The following FER1L6 variants were observed in gnomAD, a reference collection of about 807,000 sequenced individuals.
FER1L6 encodes the protein fer-1-like protein 6.
Under a neutral mutation model 219.2 loss-of-function variants are expected in FER1L6, and 177 were observed. The observed-to-expected ratio is 0.81, with a 90% CI of 0.71 to 0.91. The LOEUF is 0.91. FER1L6 is among the 40% of genes least tolerant of loss of function. The probability of loss-of-function intolerance (pLI) is 0.00; values close to 1 mark genes in which losing one functional copy is unlikely to be tolerated. For missense variants in FER1L6, 2,153 were observed against 2,259.9 expected (o/e 0.95, Z 0.96); for synonymous variants, 768 against 824.3 (o/e 0.93, Z 1.17).
At chr8:124,022,146 G>A (rs1388211494) in intron 17 of FER1L6, among the ~76,000 whole-genome samples, 1 of 152,202 alleles carries the variant, frequency 6.6e-6, no homozygotes, top group African/African-American at 2.4e-5. Flanking sequence ...CTAAAACAGG[G>A]TTTGATGTGG....
At chr8:124,074,629 G>A (rs1276338434) in intron 31 of FER1L6, among the ~76,000 whole-genome samples, 2 of 150,280 alleles carry the variant, frequency 1.3e-5, no homozygotes, top group Non-Finnish European at 3.0e-5. Flanking sequence ...TTTAGCCTAG[G>A]TGACAGAGCA....
chr8:124,109,953 A>T (rs1822950291), intron 39 of FER1L6, among the ~76,000 whole-genome samples: 1 of 152,134 alleles, frequency 6.6e-6, no homozygotes, highest in Non-Finnish European at 1.5e-5. Flanking sequence ...CGTGACAATA[A>T]AGCTACAACC....
chr8:123,886,310 G>C (rs552745692), intron 1 of FER1L6, among the ~76,000 whole-genome samples: 1 of 152,140 alleles, frequency 6.6e-6, no homozygotes, highest in South Asian at 2.1e-4. Context: ...TGGGTTATGG[G>C]AGTAGATCCC....
At chr8:123,913,374 C>A (rs148196935) in intron 1 of FER1L6, among the ~76,000 whole-genome samples, 8 of 152,144 alleles carry the variant, frequency 5.3e-5, no homozygotes, top group African/African-American at 1.7e-4. Context: ...AAAATCTATT[C>A]TTTTTATTTT....
chr8:124,068,174 A>C (rs999892650), intron 28 of FER1L6, among the ~76,000 whole-genome samples: 1 of 152,198 alleles, frequency 6.6e-6, no homozygotes, highest in African/African-American at 2.4e-5. Flanking sequence ...ACAGGATTGG[A>C]TAGATCTTGT....
chr8:123,996,625 C>G (rs776765342), intron 12 of FER1L6, among the ~76,000 whole-genome samples: 1 of 152,070 alleles, frequency 6.6e-6, no homozygotes, highest in Non-Finnish European at 1.5e-5. Flanking sequence ...CACTTACATT[C>G]AATTTTATTA....
intron 1 of FER1L6, among the ~76,000 whole-genome samples, chr8:123,876,579 G>A (rs1448799200): frequency 6.6e-6 from 1 of 151,972 alleles, no homozygotes; most frequent in Non-Finnish European, 1.5e-5. Context: ...TCTCCCTTTG[G>A]CCTCCCAAAG....
rs765558673 is a variant in FER1L6, at chr8:124,091,492, C to T, written c.4461C>T (p.Asn1487=). The part of the protein sequence containing the change: ...TEILTKLCKD[N]KLDGPYFHPG... Reference sequence around the variant, plus strand: ...TCCTCACTAAGCTCTGCAAAGACAACAAGCTGGATGGACCCTACTTTCACC... The same window carrying T: ...TCCTCACTAAGCTCTGCAAAGACAATAAGCTGGATGGACCCTACTTTCACC... The change falls in exon 34 of 41, where the codon AAC becomes AAT. Residue 1487 remains asparagine (N), a synonymous_variant. Coordinates refer to ENST00000522917, the MANE Select transcript of FER1L6 (RefSeq NM_001039112.2). The T allele has an allele frequency of 1.5e-5, 25 of 1,613,778 alleles. No individual in the cohort carries two copies. Among genetic ancestry groups the T allele is most frequent in the South Asian group, 8.8e-5 (8 of 91,088 alleles).
Position 123,859,931 on chromosome 8 carries a change from TTTTATTTA to T in FER1L6, c.-8+7762_-8+7769del, listed in dbSNP as rs898567377. On this transcript the variant is annotated intron_variant, in intron 1 of 40. Transcript: ENST00000522917. ...TATTCCATGGTGTATATGTGCCACA[TTTTATTTA>T]TTTATTTATTTATTTTTATTATTAT... 2.7e-5 allele frequency among the ~76,000 whole-genome samples: 4 copies of T among 147,042 alleles called. 1 individual carries two copies. Among genetic ancestry groups the T allele is most frequent in the African/African-American group, 7.7e-5 (3 of 38,938 alleles).
chr8:123,856,316 G>GTGTGTGTGTA (rs71576706), intron 1 of FER1L6, among the ~76,000 whole-genome samples: 1 of 45,112 alleles, frequency 2.2e-5, no homozygotes, highest in East Asian at 4.3e-4. Flanking sequence ...ATATGTATGT[G>GTGTGTGTGTA]TATATATATA....
intron 1 of FER1L6, among the ~76,000 whole-genome samples, chr8:123,855,750 G>A (rs1248083842): frequency 1.4e-5 from 2 of 147,088 alleles, no homozygotes; most frequent in Non-Finnish European, 3.0e-5. Context: ...GTGTGTATGT[G>A]TGTATATATA....
At chr8:123,969,876 A>T (rs1437205498) in intron 5 of FER1L6, among the ~76,000 whole-genome samples, 159 bp from the exon 6 acceptor site, 1 of 151,266 alleles carries the variant, frequency 6.6e-6, no homozygotes, top group Non-Finnish European at 1.5e-5. Flanking sequence ...CCAAAAAAAA[A>T]AAAAAAAAAA....
chr8:123,902,616 G>C (rs1182214710), intron 1 of FER1L6, among the ~76,000 whole-genome samples: 2 of 152,082 alleles, frequency 1.3e-5, no homozygotes, highest in Admixed American at 1.3e-4. Context: ...GTCTGATATA[G>C]GAATAGCTAC....
At chr8:124,053,118 T>C (rs1002787298) in intron 22 of FER1L6, among the ~76,000 whole-genome samples, 4 of 152,182 alleles carry the variant, frequency 2.6e-5, no homozygotes, top group Admixed American at 2.6e-4. Flanking sequence ...CACTACACAA[T>C]GCTGTCCTAA....
chr8:124,070,450 C>T lies in FER1L6; in HGVS notation c.3835-17C>T, dbSNP rs1329485363. ...CTTTCCTTCCTCTTAGCACAATCTT[C>T]TCCCTTTTCCCTAAAGATATATGAC... On this transcript the variant is annotated splice_polypyrimidine_tract_variant and intron_variant, in intron 29 of 40. Coordinates refer to ENST00000522917, the MANE Select transcript of FER1L6 (RefSeq NM_001039112.2). The T allele has an allele frequency of 6.2e-7, 1 of 1,612,024 alleles. No homozygotes were observed. Among genetic ancestry groups the T allele is most frequent in the East Asian group, 2.2e-5 (1 of 44,780 alleles).
At chr8:123,990,082 CA>C (rs1563728529) in intron 12 of FER1L6, among the ~76,000 whole-genome samples, 1 of 152,116 alleles carries the variant, frequency 6.6e-6, no homozygotes, top group East Asian at 1.9e-4. Flanking sequence ...TCCTGGCTAA[CA>C]TGGTGAAACC....
chr8:124,085,308 ATT>A lies in FER1L6; in HGVS notation c.4391+2851_4391+2852del, dbSNP rs113854981. Among the ~76,000 whole-genome samples, 809 of 152,058 alleles carry A rather than the reference ATT, an allele frequency of 5.3e-3. 14 individuals are homozygous for A. The highest frequency in any genetic ancestry group is 0.019 in the African/African-American group (771 of 41,524). On this transcript the variant is annotated intron_variant, in intron 33 of 40. Coordinates refer to ENST00000522917, the MANE Select transcript of FER1L6 (RefSeq NM_001039112.2). ...TTGATTTTCTAATTCATTAAGATATATTGTTACATTATTTATTTGAAGTTTTT... is the reference window on the plus strand; with the variant it reads ...TTGATTTTCTAATTCATTAAGATATAGTTACATTATTTATTTGAAGTTTTT...
At chr8:123,967,199 TC>T (rs1352010587) in intron 5 of FER1L6, among the ~76,000 whole-genome samples, 8 of 152,150 alleles carry the variant, frequency 5.3e-5, no homozygotes, top group African/African-American at 1.9e-4. Flanking sequence ...CCTAGTCCTC[TC>T]CCTGGAAGCA....
intron 1 of FER1L6, among the ~76,000 whole-genome samples, chr8:123,887,514 A>G (rs1408882437): frequency 6.6e-6 from 1 of 152,150 alleles, no homozygotes; most frequent in African/African-American, 2.4e-5. Flanking sequence ...ACTGCCTTTG[A>G]AATTTGACAT....
Sources: allele counts gnomAD v4.1 joint callset (sites outside exome capture counted in the v4.1 genomes callset), GRCh38; gene constraint gnomAD v4.1.1; transcripts MANE v1.5; gene names NCBI Gene and HGNC (gene_info 2026-07-23, HGNC 2026-07-21).